The following TSNARE1 variants were observed in gnomAD, a reference collection of about 807,000 sequenced individuals.
TSNARE1 encodes t-SNARE domain-containing protein 1.
In TSNARE1, 49 loss-of-function variants were observed where a neutral mutation model predicts 62.0. That is an observed-to-expected ratio of 0.79 (90% CI 0.63 to 1.00). TSNARE1 has a LOEUF of 1.00. TSNARE1 is among the 50% of genes least tolerant of loss of function. The probability of loss-of-function intolerance (pLI) is 0.00; values close to 1 mark genes in which losing one functional copy is unlikely to be tolerated. For missense variants in TSNARE1, 755 were observed against 700.1 expected, an observed-to-expected ratio of 1.08 and a Z score of -0.88; for synonymous variants, 328 against 294.4, an observed-to-expected ratio of 1.11 and a Z score of -1.17.
chr8:142,376,809 G>A (rs1375666154), intron 1 of TSNARE1, among the ~76,000 whole-genome samples: 1 of 152,198 alleles, frequency 6.6e-6, no homozygotes, highest in Non-Finnish European at 1.5e-5. Flanking sequence ...AGGGAAGCGT[G>A]TGCCGAGCCA....
chr8:142,386,081 T>C (rs1284039289), intron 1 of TSNARE1, among the ~76,000 whole-genome samples: 1 of 152,204 alleles, frequency 6.6e-6, no homozygotes, highest in Non-Finnish European at 1.5e-5. Flanking sequence ...TCTCATTTCT[T>C]GCCAGAGAAT....
intron 6 of TSNARE1, among the ~76,000 whole-genome samples, chr8:142,326,593 G>A: frequency 7.0e-6 from 1 of 143,322 alleles, no homozygotes; most frequent in Admixed American, 6.9e-5. Flanking sequence ...GACAGATGAG[G>A]AACCAGCACC....
chr8:142,231,856 A>G (rs141008405), intron 12 of TSNARE1, among the ~76,000 whole-genome samples: 2 of 152,232 alleles, frequency 1.3e-5, no homozygotes, highest in African/African-American at 4.8e-5. Context: ...CTGACTCCAC[A>G]CCCTGCCCCA....
At position 142,344,258 on chromosome 8, in the gene TSNARE1, C is replaced by T. The variant is rs777397264; in HGVS notation, c.453G>A (p.Gly151=). 3.7e-6 allele frequency: 6 copies of T among 1,609,022 alleles called. No homozygotes were observed. Among genetic ancestry groups the T allele is most frequent in the Non-Finnish European group, 5.1e-6 (6 of 1,176,390 alleles). The change falls in exon 4 of 14, where the codon GGG becomes GGA. Residue 151 remains glycine, a synonymous_variant. Transcript: ENST00000524325. Reference sequence around the variant, plus strand: ...TGCGAGTGGGCTCGGCCTTCAGCAGCCCCGTGCCAAACAGCAGCTGGTGGT... The same window carrying T: ...TGCGAGTGGGCTCGGCCTTCAGCAGTCCCGTGCCAAACAGCAGCTGGTGGT... ...SKHHQLLFGT[G]LLKAEPTRRY...
chr8:142,323,471 T>G (rs1481002847), intron 6 of TSNARE1, among the ~76,000 whole-genome samples: 1 of 152,088 alleles, frequency 6.6e-6, no homozygotes, highest in African/African-American at 2.4e-5. Flanking sequence ...ATGAGAGACA[T>G]CCTAAAGACG....
At chr8:142,220,107 A>G in intron 13 of TSNARE1, among the ~76,000 whole-genome samples, 1 of 152,212 alleles carries the variant, frequency 6.6e-6, no homozygotes, top group African/African-American at 2.4e-5. Flanking sequence ...CCTGCAGGGT[A>G]ACAGTAACGC....
At chr8:142,288,078 T>C (rs570660783) in intron 10 of TSNARE1, among the ~76,000 whole-genome samples, 2 of 152,372 alleles carry the variant, frequency 1.3e-5, no homozygotes, top group East Asian at 1.9e-4. Flanking sequence ...GATGCTGCTG[T>C]GTCCCTGGGG....
intron 12 of TSNARE1, among the ~76,000 whole-genome samples, chr8:142,251,687 C>T (rs545565657): frequency 1.3e-5 from 2 of 152,184 alleles, no homozygotes; most frequent in Admixed American, 6.5e-5. Context: ...ATATACCCAC[C>T]GCCCGCGTTC....
At chr8:142,297,146 G>C (rs972361432) in intron 10 of TSNARE1, among the ~76,000 whole-genome samples, 1 of 152,246 alleles carries the variant, frequency 6.6e-6, no homozygotes, top group African/African-American at 2.4e-5. Flanking sequence ...CTAAAGCCAG[G>C]ACAGCATGTC....
chr8:142,275,721 G>C (rs545636052), intron 11 of TSNARE1: 3 of 985,356 alleles, frequency 3.0e-6, no homozygotes, highest in Non-Finnish European at 3.6e-6. Context: ...TGGGAGGCAG[G>C]AGTATCTAAA....
At chr8:142,398,401 T>G (rs888904970) in intron 1 of TSNARE1, among the ~76,000 whole-genome samples, 2 of 124,454 alleles carry the variant, frequency 1.6e-5, no homozygotes, top group Non-Finnish European at 3.3e-5. Context: ...CCCCAAAATA[T>G]GCCCCCAAAC....
intron 12 of TSNARE1, chr8:142,270,720 C>T: frequency 1.0e-6 from 1 of 985,342 alleles, no homozygotes; most frequent in Non-Finnish European, 1.2e-6. Context: ...GAGCAGGGGG[C>T]CCCTCAGTGC....
At chr8:142,368,604 G>C (rs1835720869) in intron 1 of TSNARE1, among the ~76,000 whole-genome samples, 3 of 152,172 alleles carry the variant, frequency 2.0e-5, no homozygotes, top group Admixed American at 1.3e-4. Context: ...CACCCAGGCA[G>C]ACAAGAAGAA....
At chr8:142,301,936 G>T (rs1349863942) in intron 9 of TSNARE1, among the ~76,000 whole-genome samples, 1 of 152,240 alleles carries the variant, frequency 6.6e-6, no homozygotes, top group African/African-American at 2.4e-5. Flanking sequence ...ACACATCAAG[G>T]TTCGGTGAGT....
At chr8:142,263,730 ATCTG>A (rs932331229) in intron 12 of TSNARE1, among the ~76,000 whole-genome samples, 16 of 152,282 alleles carry the variant, frequency 1.1e-4, no homozygotes, top group South Asian at 8.3e-4. Flanking sequence ...TTTTCTAGGA[ATCTG>A]TCTATTTTTT....
intron 1 of TSNARE1, among the ~76,000 whole-genome samples, chr8:142,374,702 G>A (rs995927396): frequency 3.3e-5 from 5 of 151,682 alleles, no homozygotes; most frequent in South Asian, 4.2e-4. Flanking sequence ...AAAAAAAGTG[G>A]GAAATGCATG....
chr8:142,375,752 C>T (rs1260135022), intron 1 of TSNARE1, among the ~76,000 whole-genome samples: 1 of 152,234 alleles, frequency 6.6e-6, no homozygotes, highest in Non-Finnish European at 1.5e-5. Flanking sequence ...CAGAGACCCC[C>T]AGTCATGGCA....
At chr8:142,248,121 C>A (rs371584004) in intron 12 of TSNARE1, among the ~76,000 whole-genome samples, 7 of 152,178 alleles carry the variant, frequency 4.6e-5, no homozygotes, top group African/African-American at 1.7e-4. Context: ...AGGCTTCACG[C>A]AGCATCCTCC....
At chr8:142,301,347 GCCC>G (rs1825734118) in intron 9 of TSNARE1, among the ~76,000 whole-genome samples, 1 of 60,066 alleles carries the variant, frequency 1.7e-5, no homozygotes, top group Admixed American at 2.1e-4. Flanking sequence ...AGCCCGCAGT[GCCC>G]CCACCTGCCC....
Sources: allele counts gnomAD v4.1 joint callset (sites outside exome capture counted in the v4.1 genomes callset), GRCh38; gene constraint gnomAD v4.1.1; transcripts MANE v1.5; gene names NCBI Gene and HGNC (gene_info 2026-07-23, HGNC 2026-07-21).